The following TMX2 variants were observed in gnomAD, a reference collection of about 807,000 sequenced individuals.
TMX2 encodes thioredoxin related transmembrane protein 2.
TMX2 carries 20 observed loss-of-function variants against 33.4 expected under a neutral mutation model. The observed-to-expected ratio is 0.60, with a 90% CI of 0.42 to 0.87. The LOEUF (loss-of-function observed/expected upper bound fraction) is 0.87. TMX2 is among the 40% of genes least tolerant of loss of function. TMX2 has a pLI of 0.00. For synonymous variants in TMX2, 166 were observed against 140.7 expected, an observed-to-expected ratio of 1.18 and a Z score of -1.27; for missense variants, 340 against 370.7, an observed-to-expected ratio of 0.92 and a Z score of 0.68.
intron 1 of TMX2, among the ~76,000 whole-genome samples, chr11:57,715,586 C>CTTTTGTTTTTT (rs1555014354): frequency 1.5e-5 from 2 of 130,108 alleles, no homozygotes; most frequent in South Asian, 4.8e-4. Flanking sequence ...AATTTGTTTT[C>CTTTTGTTTTTT]TTTTTTTTTT....
intron 1 of TMX2, among the ~76,000 whole-genome samples, chr11:57,715,242 A>C (rs1225434930): frequency 2.6e-5 from 4 of 152,074 alleles, no homozygotes; most frequent in Non-Finnish European, 5.9e-5. Flanking sequence ...TCTACTAAAA[A>C]TACAAAAAAT....
chr11:57,716,284 C>T (rs577071208), intron 1 of TMX2, among the ~76,000 whole-genome samples: 118 of 145,240 alleles, frequency 8.1e-4, no homozygotes, highest in Non-Finnish European at 1.6e-3. Context: ...ACCTCCCTCC[C>T]GGATGTGGGG....
In TMX2 at chr11:57,740,441, A is replaced by G. The variant is rs1424134344; in HGVS notation, c.*196A>G. 5.1e-5 allele frequency: 29 copies of G among 564,980 alleles called. No homozygotes were observed. The East Asian group carries it at 6.0e-4, about 12-fold the overall frequency. The allele number at this position is 564,980 out of a possible 1,614,324, so 35.0% of individuals were successfully genotyped here. A position where few individuals can be genotyped will look rare whatever the true frequency, so the allele number is the denominator to read the frequency against. On this transcript the variant is annotated 3_prime_UTR_variant, in exon 8 of 8. Transcript: ENST00000278422. Reference sequence around the variant, plus strand: ...AGGAAGGCCTGCCATGCTGTGGCCAACTGTTTCACTGGAGCAAGAAAGAGA... The same window carrying G: ...AGGAAGGCCTGCCATGCTGTGGCCAGCTGTTTCACTGGAGCAAGAAAGAGA...
At chr11:57,733,707 ATCCTC>A (rs771295152) in intron 1 of TMX2, among the ~76,000 whole-genome samples, 3 of 152,334 alleles carry the variant, frequency 2.0e-5, no homozygotes, top group South Asian at 2.1e-4. Context: ...TCATTCAATT[ATCCTC>A]TCTTCTGTAT....
At chr11:57,715,207 C>G (rs1350355099) in intron 1 of TMX2, among the ~76,000 whole-genome samples, 1 of 151,978 alleles carries the variant, frequency 6.6e-6, no homozygotes, top group African/African-American at 2.4e-5. Context: ...CGAGACCAGC[C>G]TGGCCAACAT....
At chr11:57,716,658 G>A (rs71460549) in intron 1 of TMX2, among the ~76,000 whole-genome samples, 4 of 127,588 alleles carry the variant, frequency 3.1e-5, no homozygotes, top group Non-Finnish European at 3.4e-5. Flanking sequence ...CTGGCCGAGC[G>A]GGGGGCTGAC....
chr11:57,738,882 G>C, intron 5 of TMX2, 92 bp from the exon 6 acceptor site: 1 of 1,532,802 alleles, frequency 6.5e-7, no homozygotes, highest in Non-Finnish European at 9.0e-7. Flanking sequence ...GGTAACCAAA[G>C]GCATCTCCCT....
At chr11:57,736,447 G>A (rs1364048563) in intron 1 of TMX2, among the ~76,000 whole-genome samples, 7 of 152,142 alleles carry the variant, frequency 4.6e-5, no homozygotes, top group Non-Finnish European at 8.8e-5. Context: ...GCCACAGGTT[G>A]GACAAGAAGG....
chr11:57,728,136 TA>T (rs1948120133), intron 1 of TMX2, among the ~76,000 whole-genome samples: 1 of 152,062 alleles, frequency 6.6e-6, no homozygotes, highest in African/African-American at 2.4e-5. Flanking sequence ...TGGCTCAGAA[TA>T]AATCTCTGAA....
intron 1 of TMX2, among the ~76,000 whole-genome samples, chr11:57,734,136 G>T (rs570919739): frequency 7.2e-4 from 102 of 141,346 alleles, no homozygotes; most frequent in Non-Finnish European, 1.3e-3. Flanking sequence ...TCCAGCCTGG[G>T]TGACAGAGAG....
chr11:57,718,943 C>G (rs1947367073), intron 1 of TMX2, among the ~76,000 whole-genome samples: 1 of 151,464 alleles, frequency 6.6e-6, no homozygotes, highest in South Asian at 2.1e-4. Context: ...GTGTGAGCCA[C>G]CGCGCCCAGC....
At chr11:57,716,686 G>A (rs1384149787) in intron 1 of TMX2, among the ~76,000 whole-genome samples, 3 of 142,336 alleles carry the variant, frequency 2.1e-5, no homozygotes, top group African/African-American at 5.3e-5. Context: ...CCTCCCTCCC[G>A]GACGGGGCGG....
intron 1 of TMX2, 36 bp downstream of exon 1, chr11:57,712,843 A>G: frequency 6.2e-7 from 1 of 1,611,982 alleles, no homozygotes; most frequent in Non-Finnish European, 8.5e-7. Context: ...CGCGACCTTG[A>G]CTGTCCCTGC....
At chr11:57,729,539 C>A (rs11604325) in intron 1 of TMX2, among the ~76,000 whole-genome samples, 37,979 of 152,000 alleles carry the variant, frequency 0.25, 5,549 homozygotes, top group Non-Finnish European at 0.33. Context: ...CTTTTAATTT[C>A]CCTCTAGCAC....
rs1487669610 is a variant in TMX2, at chr11:57,712,812, G to T, written c.189+5G>T. On this transcript the variant is annotated splice_donor_5th_base_variant and intron_variant, in intron 1 of 7. Transcript: ENST00000278422. The stretch of plus-strand genomic sequence containing the variant: ...AACCCGTGTGACTTTGACTGGGTGA[G>T]CCTCCCGCGTGTTAGTACCCCGCGA... 6.2e-7 allele frequency: 1 copy of T among 1,613,782 alleles called. No homozygotes were observed. Among genetic ancestry groups the T allele is most frequent in the Non-Finnish European group, 8.5e-7 (1 of 1,179,972 alleles).
At chr11:57,724,384 T>C (rs1192353364) in intron 1 of TMX2, among the ~76,000 whole-genome samples, 2 of 152,166 alleles carry the variant, frequency 1.3e-5, no homozygotes, top group African/African-American at 2.4e-5. Context: ...CATGTTGCAC[T>C]AGCTTTATGA....
chr11:57,728,714 G>T (rs1018684786), intron 1 of TMX2, among the ~76,000 whole-genome samples: 22 of 152,070 alleles, frequency 1.4e-4, no homozygotes, highest in African/African-American at 5.3e-4. Context: ...ATTTGTGTGA[G>T]GAACTGAACT....
intron 5 of TMX2, 66 bp from the exon 6 acceptor site, chr11:57,738,908 T>G (rs1177432043): frequency 6.4e-7 from 1 of 1,567,264 alleles, no homozygotes; most frequent in South Asian, 1.1e-5. Context: ...CTCTTAAATA[T>G]CTATACTTCC....
chr11:57,737,732 C>T (rs1326978267), intron 2 of TMX2, 64 bp downstream of exon 2: 2 of 1,575,352 alleles, frequency 1.3e-6, no homozygotes, highest in Non-Finnish European at 1.7e-6. Flanking sequence ...TGCTTTGCTT[C>T]ATGTTAAGAG....
Sources: gnomAD v4.1 joint callset for allele counts (sites outside exome capture counted in the v4.1 genomes callset) on GRCh38, gnomAD v4.1.1 for gene constraint, MANE v1.5 for transcripts, NCBI Gene and HGNC (gene_info 2026-07-23, HGNC 2026-07-21) for gene names.